The following ARHGEF11 variants were observed in gnomAD, a reference collection of about 807,000 sequenced individuals.
ARHGEF11 encodes the protein Rho guanine nucleotide exchange factor 11.
In ARHGEF11, 55 loss-of-function variants were observed where a neutral mutation model predicts 193.7. The observed-to-expected ratio is 0.28, with a 90% CI of 0.23 to 0.36. The LOEUF is 0.36. Among genes scored for constraint, ARHGEF11 ranks in the 10% least tolerant of loss-of-function variants. The probability of loss-of-function intolerance (pLI) is 1.00; values close to 1 mark genes in which losing one functional copy is unlikely to be tolerated. For synonymous variants in ARHGEF11, 693 were observed against 768.0 expected (o/e 0.90, Z 1.62); for missense variants, 1,723 against 2,005.6 (o/e 0.86, Z 2.69).
chr1:157,006,807 C>T (rs1667881655), intron 1 of ARHGEF11, among the ~76,000 whole-genome samples: 1 of 152,208 alleles, frequency 6.6e-6, no homozygotes, highest in Non-Finnish European at 1.5e-5. Flanking sequence ...CCCCATAATA[C>T]ACTAAGTGTA....
At chr1:157,034,633 A>C (rs1395843170) in intron 1 of ARHGEF11, among the ~76,000 whole-genome samples, 1 of 152,220 alleles carries the variant, frequency 6.6e-6, no homozygotes, top group East Asian at 1.9e-4. Context: ...GTCAGGAAAG[A>C]GCACATAGGG....
At chr1:156,983,531 C>T (rs532693350) in intron 3 of ARHGEF11, among the ~76,000 whole-genome samples, 6 of 152,316 alleles carry the variant, frequency 3.9e-5, no homozygotes, top group African/African-American at 1.4e-4. Context: ...CACCCATCGC[C>T]TTTTTGATTG....
chr1:157,010,982 A>AT (rs1007222267), intron 1 of ARHGEF11, among the ~76,000 whole-genome samples: 33 of 151,916 alleles, frequency 2.2e-4, no homozygotes, highest in African/African-American at 6.8e-4. Context: ...TAAAATCTCA[A>AT]TTTTTTTTGA....
chr1:157,008,652 T>C (rs1328920827), intron 1 of ARHGEF11, among the ~76,000 whole-genome samples: 1 of 152,202 alleles, frequency 6.6e-6, no homozygotes, highest in Non-Finnish European at 1.5e-5. Context: ...GAGTGAGAAC[T>C]AGAACCCAGG....
At chr1:157,046,863 TA>T (rs546260948), upstream of ARHGEF11, among the ~76,000 whole-genome samples, 4 of 150,396 alleles carry the variant, frequency 2.7e-5, no homozygotes, top group Non-Finnish European at 5.9e-5. Flanking sequence ...AATACAAAAC[TA>T]GCCGTACGTG....
At chr1:157,022,464 G>A (rs760398021) in intron 1 of ARHGEF11, among the ~76,000 whole-genome samples, 9 of 152,114 alleles carry the variant, frequency 5.9e-5, no homozygotes, top group Non-Finnish European at 1.3e-4. Context: ...GAATAAATTT[G>A]AGAAAAGAAG....
At chr1:156,996,855 C>A (rs1289617643) in intron 1 of ARHGEF11, among the ~76,000 whole-genome samples, 33 of 122,122 alleles carry the variant, frequency 2.7e-4, no homozygotes, top group South Asian at 2.8e-4. Context: ...GAACCTCTCT[C>A]TCTATTTTTT....
rs1329002068 is a variant in ARHGEF11 at position 156,948,411 on chromosome 1, G to C, written c.2013C>G (p.Pro671=). Residue 671 remains proline, a synonymous_variant, in exon 23 of 41, where the codon CCC becomes CCG. Transcript: ENST00000368194. The surrounding 1 kb of genome is among the most constrained non-coding windows in gnomAD (Gnocchi z 4.2). Reference sequence around the variant, plus strand: ...CCATGTCAACATCACTGCGAGAGCGGGGCACGTTCTCTGCCTTTCGAGACC... The same window carrying C: ...CCATGTCAACATCACTGCGAGAGCGCGGCACGTTCTCTGCCTTTCGAGACC... ...MKRSRKAENV[P]RSRSDVDMDA... is the part of the protein sequence containing the mutation. 6.2e-7 allele frequency: 1 copy of C among 1,614,244 alleles called. No individual in the cohort carries two copies. Among genetic ancestry groups the C allele is most frequent in the Non-Finnish European group, 8.5e-7 (1 of 1,180,050 alleles).
At chr1:156,984,022 T>G (rs1259136985) in intron 3 of ARHGEF11, among the ~76,000 whole-genome samples, 2 of 152,250 alleles carry the variant, frequency 1.3e-5, no homozygotes, top group Admixed American at 6.5e-5. Context: ...AAGGGGGCCT[T>G]TGATTCCTCC....
intron 26 of ARHGEF11, 94 bp downstream of exon 26, chr1:156,947,210 T>A (rs1571189599): frequency 1.3e-6 from 2 of 1,525,482 alleles, no homozygotes; most frequent in East Asian, 4.5e-5. Context: ...GGTGGGAGGT[T>A]ACCTACTCAG....
chr1:156,937,175 CAT>C, intron 39 of ARHGEF11, 72 bp downstream of exon 39: 3 of 1,600,508 alleles, frequency 1.9e-6, no homozygotes, highest in Non-Finnish European at 2.6e-6. Flanking sequence ...CGAAGACACA[CAT>C]CTCACTCATG....
intron 1 of ARHGEF11, among the ~76,000 whole-genome samples, chr1:156,998,132 T>A (rs1451342494): frequency 1.3e-5 from 2 of 152,198 alleles, no homozygotes; most frequent in South Asian, 2.1e-4. Flanking sequence ...CGCTGGACTG[T>A]GAGTCCTAGA....
chr1:156,938,651 A>G, intron 37 of ARHGEF11, 138 bp from the exon 38 acceptor site: 1 of 676,888 alleles, frequency 1.5e-6, no homozygotes. Flanking sequence ...TGAACACAAG[A>G]TCATACACGA....
chr1:156,963,839 G>T, intron 11 of ARHGEF11: 1 of 1,209,244 alleles, frequency 8.3e-7, no homozygotes, highest in Non-Finnish European at 1.1e-6. Context: ...GACATATGAA[G>T]ATGGGAAGTA....
At chr1:156,964,220 T>C (rs1661386938) in intron 11 of ARHGEF11, among the ~76,000 whole-genome samples, 1 of 152,234 alleles carries the variant, frequency 6.6e-6, no homozygotes, top group Non-Finnish European at 1.5e-5. Flanking sequence ...AATTTCTTAG[T>C]CTGGCTTTCC....
intron 2 of ARHGEF11, chr1:156,985,768 C>A: frequency 6.2e-6 from 1 of 161,134 alleles, no homozygotes; most frequent in Non-Finnish European, 1.3e-5. Flanking sequence ...TGGAGTATCA[C>A]TATGTTGCCC....
At chr1:156,975,275 T>C (rs994880271) in intron 7 of ARHGEF11, among the ~76,000 whole-genome samples, 1 of 152,266 alleles carries the variant, frequency 6.6e-6, no homozygotes, top group Admixed American at 6.5e-5. Context: ...TAGGTCATTG[T>C]CATTTTGATT....
In ARHGEF11 at chr1:156,986,140, T is replaced by C; in HGVS notation, c.66A>G (p.Ala22=). 1 of 1,613,936 alleles carries C rather than the reference T, an allele frequency of 6.2e-7. No homozygotes were observed. Among genetic ancestry groups the C allele is most frequent in the East Asian group, 2.2e-5 (1 of 44,862 alleles). The change falls in exon 2 of 41, where the codon GCA becomes GCG. Residue 22 remains alanine, a synonymous_variant. Coordinates refer to ENST00000368194, the MANE Select transcript of ARHGEF11 (RefSeq NM_198236.3). ...GGTGGGAAGGGGACTTGCGCTCTGG[T>C]GCAGAATCTCCCAGAGAAGACAGGC... ...LSSLSSLGDS[A]PERKSPSHHR...
intron 1 of ARHGEF11, among the ~76,000 whole-genome samples, chr1:157,032,996 G>T (rs141238237): frequency 0.021 from 3,216 of 151,974 alleles, 50 homozygotes; most frequent in Middle Eastern, 0.031. Context: ...ATGCCTCTCA[G>T]GGTTCTGTGC....
Sources: gnomAD v4.1 joint callset for allele counts (sites outside exome capture counted in the v4.1 genomes callset) on GRCh38, gnomAD v4.1.1 for gene constraint, Gnocchi (gnomAD v3.1) non-coding constraint, MANE v1.5 for transcripts, NCBI Gene and HGNC (gene_info 2026-07-23, HGNC 2026-07-21) for gene names.